The following SPAG16 variants were observed in gnomAD, a reference collection of about 807,000 sequenced individuals.
SPAG16 encodes sperm-associated antigen 16 protein.
A neutral mutation model predicts 80.4 loss-of-function variants in SPAG16; 86 were observed. That is an observed-to-expected ratio of 1.07 (90% confidence interval 0.90 to 1.28). The LOEUF (loss-of-function observed/expected upper bound fraction) is 1.28, where lower values mean the gene tolerates loss of function less well. Ranked by LOEUF, SPAG16 falls within the 50% of genes most tolerant of loss-of-function variation. The pLI, the probability that SPAG16 is intolerant of heterozygous loss-of-function variation, is 0.00. For synonymous variants in SPAG16, 294 were observed against 265.9 expected (o/e 1.11, Z -1.03); for missense variants, 870 against 765.3 (o/e 1.14, Z -1.61).
chr2:214,010,577 C>T (rs73987131), intron 12 of SPAG16, among the ~76,000 whole-genome samples: 15,458 of 146,264 alleles, frequency 0.11, 2,447 homozygotes, highest in African/African-American at 0.18. Context: ...ATTGGAGAGA[C>T]TAGACTGACC....
intron 15 of SPAG16, among the ~76,000 whole-genome samples, chr2:214,378,093 T>C (rs755809226): frequency 4.6e-5 from 7 of 152,106 alleles, no homozygotes; most frequent in Admixed American, 1.3e-4. Context: ...GCAGGCTGCC[T>C]GTAGGAGCTG....
chr2:213,548,571 C>T (rs1205696125), intron 10 of SPAG16, among the ~76,000 whole-genome samples: 3 of 152,160 alleles, frequency 2.0e-5, no homozygotes, highest in Non-Finnish European at 4.4e-5. Context: ...TAATCAAATA[C>T]TCACGACAGT....
chr2:213,515,249 T>G (rs1189811085), intron 10 of SPAG16, among the ~76,000 whole-genome samples: 2 of 152,204 alleles, frequency 1.3e-5, no homozygotes, highest in African/African-American at 2.4e-5. Flanking sequence ...TAGCCCCTAC[T>G]GATATCTTCA....
At chr2:214,353,839 T>A (rs143350577) in intron 15 of SPAG16, among the ~76,000 whole-genome samples, 201 of 152,284 alleles carry the variant, frequency 1.3e-3, no homozygotes, top group Non-Finnish European at 2.4e-3. Context: ...CCTGCTTCTA[T>A]CACACTTGTG....
intron 13 of SPAG16, among the ~76,000 whole-genome samples, chr2:214,076,242 A>T (rs1264245503): frequency 6.6e-6 from 1 of 152,154 alleles, no homozygotes; most frequent in Non-Finnish European, 1.5e-5. Flanking sequence ...TTAGACTGAT[A>T]TTAAAATTAG....
intron 15 of SPAG16, among the ~76,000 whole-genome samples, chr2:214,187,016 G>T (rs895343611): frequency 3.9e-5 from 6 of 152,036 alleles, no homozygotes; most frequent in African/African-American, 1.4e-4. Flanking sequence ...CACCCACCTT[G>T]GCCTCCCAAA....
In SPAG16 at chr2:214,085,314, G is replaced by A. The variant is rs553010741; in HGVS notation, c.1528-22882G>A. On this transcript the variant is annotated intron_variant, in intron 13 of 15. Transcript: ENST00000331683. Reference sequence around the variant, plus strand: ...TTGAACCCAGGAGACGGAGGCTGCGGTGATCCAAGATCTGACATCAAGCCA... The same window carrying A: ...TTGAACCCAGGAGACGGAGGCTGCGATGATCCAAGATCTGACATCAAGCCA... Among the ~76,000 whole-genome samples, 4 of 151,454 alleles carry A rather than the reference G, an allele frequency of 2.6e-5. No homozygotes were observed. The South Asian group carries it at 8.3e-4, about 32-fold the overall frequency.
intron 10 of SPAG16, among the ~76,000 whole-genome samples, chr2:213,817,075 T>C (rs1489505076): frequency 6.6e-6 from 1 of 151,782 alleles, no homozygotes; most frequent in Non-Finnish European, 1.5e-5. Flanking sequence ...AAAGGAATTA[T>C]TTTTGTTTAT....
At chr2:213,756,573 T>G (rs957049290) in intron 10 of SPAG16, among the ~76,000 whole-genome samples, 86 of 152,354 alleles carry the variant, frequency 5.6e-4, no homozygotes, top group African/African-American at 2.0e-3. Flanking sequence ...TTTGTAGCTG[T>G]AGACTTTAAC....
At chr2:214,190,004 C>G (rs2057606795) in intron 15 of SPAG16, among the ~76,000 whole-genome samples, 1 of 152,068 alleles carries the variant, frequency 6.6e-6, no homozygotes, top group Non-Finnish European at 1.5e-5. Flanking sequence ...AATGAACATC[C>G]TACTCTGAAA....
chr2:213,889,198 A>G (rs1179857317), intron 11 of SPAG16, among the ~76,000 whole-genome samples: 1 of 151,968 alleles, frequency 6.6e-6, no homozygotes, highest in Non-Finnish European at 1.5e-5. Flanking sequence ...ATAAATTAAA[A>G]TTATATGTAA....
At chr2:213,831,273 C>T (rs900294661) in intron 10 of SPAG16, among the ~76,000 whole-genome samples, 1 of 151,708 alleles carries the variant, frequency 6.6e-6, no homozygotes, top group Non-Finnish European at 1.5e-5. Flanking sequence ...CTCCTGACCT[C>T]GTGATCCACC....
At chr2:213,936,646 C>T (rs558417824) in intron 12 of SPAG16, among the ~76,000 whole-genome samples, 21 of 152,262 alleles carry the variant, frequency 1.4e-4, no homozygotes, top group Non-Finnish European at 3.1e-4. Flanking sequence ...AAAGAGGAAA[C>T]AAATGACCTG....
At chr2:213,814,775 T>C (rs1048308796) in intron 10 of SPAG16, among the ~76,000 whole-genome samples, 1 of 136,934 alleles carries the variant, frequency 7.3e-6, no homozygotes, top group South Asian at 2.6e-4. Flanking sequence ...GGTGACACAA[T>C]GAGGCTCTGT....
intron 10 of SPAG16, among the ~76,000 whole-genome samples, chr2:213,652,755 A>G (rs2063069025): frequency 6.6e-6 from 1 of 152,112 alleles, no homozygotes; most frequent in African/African-American, 2.4e-5. Context: ...TATTCTAGAT[A>G]CAAGTTCTTT....
chr2:214,205,228 AAAGAAAG>A (rs2058109678), intron 15 of SPAG16, among the ~76,000 whole-genome samples: 2 of 136,064 alleles, frequency 1.5e-5, no homozygotes, highest in South Asian at 4.6e-4. Context: ...TGCCAAAAAA[AAAGAAAG>A]AAGAAGAAGC....
chr2:214,380,782 C>T (rs1293042675), intron 15 of SPAG16, among the ~76,000 whole-genome samples: 1 of 152,210 alleles, frequency 6.6e-6, no homozygotes, highest in Non-Finnish European at 1.5e-5. Flanking sequence ...GTATGCTGAA[C>T]ATGGACACCA....
At chr2:214,108,688 G>A (rs534049755) in intron 14 of SPAG16, among the ~76,000 whole-genome samples, 6 of 152,168 alleles carry the variant, frequency 3.9e-5, no homozygotes, top group Admixed American at 3.9e-4. Context: ...AGAAGAAAAA[G>A]CAGTTAAAGA....
intron 10 of SPAG16, among the ~76,000 whole-genome samples, chr2:213,704,831 G>A (rs1407763691): frequency 6.6e-6 from 1 of 152,280 alleles, no homozygotes; most frequent in African/African-American, 2.4e-5. Flanking sequence ...TTAAAAAGGT[G>A]ACTCTATTTG....
Sources: allele counts gnomAD v4.1 joint callset (sites outside exome capture counted in the v4.1 genomes callset), GRCh38; gene constraint gnomAD v4.1.1; transcripts MANE v1.5; gene names NCBI Gene and HGNC (gene_info 2026-07-23, HGNC 2026-07-21).